Variants in CAMTA1 observed in about 807,000 individuals in gnomAD.
CAMTA1 encodes calmodulin-binding transcription activator 1.
A neutral mutation model predicts 170.9 loss-of-function variants in CAMTA1; 27 were observed. The ratio of observed to expected loss-of-function variants is 0.16; its 90% CI spans 0.12 to 0.22. The LOEUF (loss-of-function observed/expected upper bound fraction) is 0.22. Ranked by LOEUF, CAMTA1 falls within the 10% of genes least tolerant of loss-of-function variation. CAMTA1 has a pLI of 1.00. For synonymous variants in CAMTA1, 833 were observed against 891.5 expected, an observed-to-expected ratio of 0.93 and a Z score of 1.17; for missense variants, 1,619 against 2,217.2, an observed-to-expected ratio of 0.73 and a Z score of 5.42.
At chr1:6,865,780 G>A (rs547539872) in intron 3 of CAMTA1, among the ~76,000 whole-genome samples, 1 of 152,302 alleles carries the variant, frequency 6.6e-6, no homozygotes, top group East Asian at 1.9e-4. Flanking sequence ...GACCTTAGTT[G>A]AAAAATTAAA....
At chr1:7,540,434 C>T (rs1461387060) in intron 6 of CAMTA1, among the ~76,000 whole-genome samples, 4 of 152,112 alleles carry the variant, frequency 2.6e-5, no homozygotes, top group Non-Finnish European at 5.9e-5. Context: ...AATCCTGCCA[C>T]CCCCCACCCA....
At chr1:6,999,144 C>T (rs1009999615) in intron 3 of CAMTA1, among the ~76,000 whole-genome samples, 12 of 152,300 alleles carry the variant, frequency 7.9e-5, no homozygotes, top group Middle Eastern at 3.4e-3. Context: ...TTCCCAGTGT[C>T]TTCCCTGATC....
At chr1:7,438,894 C>T (rs751841034) in intron 5 of CAMTA1, among the ~76,000 whole-genome samples, 4 of 152,196 alleles carry the variant, frequency 2.6e-5, no homozygotes, top group Admixed American at 1.3e-4. Context: ...TGTCCACCTC[C>T]ATATCATAGT....
chr1:7,013,626 T>C (rs993821451), intron 3 of CAMTA1, among the ~76,000 whole-genome samples: 3 of 152,188 alleles, frequency 2.0e-5, no homozygotes, highest in Non-Finnish European at 2.9e-5. Context: ...CTGTGCACTG[T>C]TCCTGGCTGC....
In CAMTA1 at chr1:7,065,013, C is replaced by T. The variant is rs148081486; in HGVS notation, c.235-26291C>T. ...CTAGGTCACCAGCAGTGTCATCTAC[C>T]GAGAAGGCAAAGCCTGGGGAAAAAC... On this transcript the variant is annotated intron_variant, in intron 3 of 22. Transcript: ENST00000303635. This position sits in a 1 kb window ranked among gnomAD's most constrained non-coding sequence, Gnocchi z 5.2. 1.5e-4 allele frequency among the ~76,000 whole-genome samples: 23 copies of T among 152,184 alleles called. No homozygotes were observed. Among genetic ancestry groups the T allele is most frequent in the East Asian group, 5.8e-4 (3 of 5,176 alleles).
At chr1:6,789,036 C>G (rs1017314340) in intron 1 of CAMTA1, among the ~76,000 whole-genome samples, 1 of 152,188 alleles carries the variant, frequency 6.6e-6, no homozygotes, top group African/African-American at 2.4e-5. Context: ...GTTTTTGGGA[C>G]TAGGTTGGGT....
At chr1:7,347,682 C>T (rs1383256407) in intron 5 of CAMTA1, among the ~76,000 whole-genome samples, 1 of 152,106 alleles carries the variant, frequency 6.6e-6, no homozygotes, top group African/African-American at 2.4e-5. Context: ...CAGAATCTGT[C>T]CCGACCCCTC....
In CAMTA1 at chr1:6,790,539, C is replaced by T. The variant is rs77157435; in HGVS notation, c.45+4964C>T. Among the ~76,000 whole-genome samples, 1,144 of 152,196 alleles carry T rather than the reference C, an allele frequency of 7.5e-3. 7 individuals are homozygous for T. Among genetic ancestry groups the T allele is most frequent in the Non-Finnish European group, 0.011 (749 of 68,006 alleles). On this transcript the variant is annotated intron_variant, in intron 1 of 22. Transcript: ENST00000303635. ...GCATCGCACTAGGCATTCTATAGAA[C>T]ATAGAGTCAAATGTATTTTTTATAT...
intron 3 of CAMTA1, among the ~76,000 whole-genome samples, chr1:6,908,082 A>G (rs1226474757): frequency 6.6e-6 from 1 of 150,806 alleles, no homozygotes; most frequent in Non-Finnish European, 1.5e-5. Context: ...TTCTGCCTGG[A>G]CCCCCAGACA....
chr1:7,535,249 C>T (rs1190459656), intron 6 of CAMTA1, among the ~76,000 whole-genome samples: 1 of 152,120 alleles, frequency 6.6e-6, no homozygotes, highest in African/African-American at 2.4e-5. Flanking sequence ...TCAGGCACCC[C>T]TGGCAGGGCC....
At chr1:7,097,162 C>T (rs976293478) in intron 4 of CAMTA1, among the ~76,000 whole-genome samples, 22 of 152,216 alleles carry the variant, frequency 1.4e-4, no homozygotes, top group Admixed American at 7.9e-4. Flanking sequence ...GCTTTGTTGT[C>T]GGTTGTTTGC....
At chr1:7,221,926 C>T (rs867582276) in intron 4 of CAMTA1, among the ~76,000 whole-genome samples, 5 of 144,922 alleles carry the variant, frequency 3.5e-5, no homozygotes, top group East Asian at 2.2e-4. Flanking sequence ...CACACACACA[C>T]ATACACACAC....
chr1:7,475,353 G>A (rs568715630), intron 6 of CAMTA1, among the ~76,000 whole-genome samples: 5 of 152,270 alleles, frequency 3.3e-5, no homozygotes, highest in East Asian at 1.9e-4. Context: ...GGGGATTAGA[G>A]CAACAGGAGG....
At chr1:7,500,281 T>C (rs2093979159) in intron 6 of CAMTA1, among the ~76,000 whole-genome samples, 1 of 146,482 alleles carries the variant, frequency 6.8e-6, no homozygotes, top group South Asian at 2.2e-4. Context: ...TGTGCGTGCA[T>C]ATGTATATGA....
intron 3 of CAMTA1, among the ~76,000 whole-genome samples, chr1:6,857,323 C>T (rs530653636): frequency 6.6e-6 from 1 of 152,162 alleles, no homozygotes; most frequent in Non-Finnish European, 1.5e-5. Context: ...GAATAACTCC[C>T]AGGTTTCTGG....
rs1438894641 is a variant in CAMTA1 at position 7,664,083 on chromosome 1, C to T, written c.1536C>T (p.Ile512=). 1 of 1,613,630 alleles carries T rather than the reference C, an allele frequency of 6.2e-7. No individual in the cohort carries two copies. The highest frequency in any genetic ancestry group is 2.2e-5 in the East Asian group (1 of 44,872). ...AAGCCGAGATGGTCAGCTCCAACATCCGGCACTCGCCACCCGGGGAGCGGA... is the reference window on the plus strand; with the variant it reads ...AAGCCGAGATGGTCAGCTCCAACATTCGGCACTCGCCACCCGGGGAGCGGA... The part of the protein sequence containing the change: ...GLKAEMVSSN[I]RHSPPGERSF... The change falls in exon 9 of 23, where the codon ATC becomes ATT. Residue 512 remains isoleucine (I), a synonymous_variant. Transcript: ENST00000303635.
intron 3 of CAMTA1, among the ~76,000 whole-genome samples, chr1:6,892,152 T>TTTAAATTTAAATTAA (rs1557775403): frequency 6.6e-6 from 1 of 152,248 alleles, no homozygotes; most frequent in Non-Finnish European, 1.5e-5. Flanking sequence ...TAAAGTCTAG[T>TTTAAATTTAAATTAA]AGACAATTTT....
At chr1:6,815,435 C>T (rs1159649730) in intron 1 of CAMTA1, among the ~76,000 whole-genome samples, 1 of 152,180 alleles carries the variant, frequency 6.6e-6, no homozygotes, top group East Asian at 1.9e-4. Flanking sequence ...AACTCCTGGG[C>T]TTAAGCAGTC....
rs6659902 is a variant in CAMTA1, at chr1:7,640,688, C to G, written c.664+135C>G. On this transcript the variant is annotated intron_variant, in intron 7 of 22. Transcript: ENST00000303635. ...CATCTTGCTGGAATGACAGTGGCAC[C>G]GTGAGCTTAGCTTTTGCCCCACCTT... 12,255 of 1,026,792 alleles carry G rather than the reference C, an allele frequency of 0.012. 396 individuals are homozygous for G. The highest frequency in any genetic ancestry group is 0.091 in the African/African-American group (5,768 of 63,284). 63.6% of individuals were successfully genotyped at this position (1,026,792 alleles called of 1,614,324 possible).
Sources: gnomAD v4.1 joint callset for allele counts (sites outside exome capture counted in the v4.1 genomes callset) on GRCh38, gnomAD v4.1.1 for gene constraint, Gnocchi (gnomAD v3.1) non-coding constraint, MANE v1.5 for transcripts, NCBI Gene and HGNC (gene_info 2026-07-23, HGNC 2026-07-21) for gene names.